The following ZNF511 variants were observed in gnomAD, a reference collection of about 807,000 sequenced individuals.
ZNF511 encodes zinc finger protein 511.
Under a neutral mutation model 24.8 loss-of-function variants are expected in ZNF511, and 26 were observed. The observed-to-expected ratio is 1.05, with a 90% confidence interval of 0.77 to 1.46. The LOEUF is 1.46. ZNF511 is among the 40% of genes most tolerant of loss of function. The pLI is 0.00. For synonymous variants in ZNF511, 144 were observed against 139.6 expected (o/e 1.03, Z -0.22); for missense variants, 358 against 345.0 (o/e 1.04, Z -0.30).
Position 133,311,837 on chromosome 10 carries a change from CAT to C in ZNF511, c.678_679del (p.His226GlnfsTer17). ...GGCAGGTGAGAGGCGGATCTACAGA[CAT>C]AGGTCAGTGTCTGAGCTCTTTCTGA... ...APAGERRIYR[H>X]RIPSTICFGQ... On this transcript the variant is annotated frameshift_variant and splice_region_variant, in exon 5 of 6. Coordinates refer to ENST00000361518, the MANE Select transcript of ZNF511 (RefSeq NM_145806.4). LOFTEE classifies it high-confidence loss of function. The C allele has an allele frequency of 6.2e-7, 1 of 1,613,388 alleles. No individual in the cohort carries two copies. Among genetic ancestry groups the C allele is most frequent in the South Asian group, 1.1e-5 (1 of 91,088 alleles).
Position 133,312,221 on chromosome 10 carries a change from C to T in ZNF511, c.680+380C>T, listed in dbSNP as rs1848007742. The T allele has an allele frequency of 4.3e-6, 6 of 1,384,562 alleles. No individual in the cohort carries two copies. In the Admixed American group the frequency reaches 9.8e-5, roughly 23 times the overall value. The allele number at this position is 1,384,562 out of a possible 1,614,324, so 85.8% of individuals were successfully genotyped here. On this transcript the variant is annotated intron_variant, in intron 5 of 5. Coordinates refer to ENST00000361518, the MANE Select transcript of ZNF511 (RefSeq NM_145806.4). ...GTGCCGTCTGCGTTTCTAGCGTCAC[C>T]TGTGCCGTCTGCCTTCCTAGCATGA...
At chr10:133,312,631 G>A in intron 5 of ZNF511, 157 bp from the exon 6 acceptor site, 5 of 1,520,306 alleles carry the variant, frequency 3.3e-6, no homozygotes, top group Non-Finnish European at 4.4e-6. Context: ...GTCTCAGGCT[G>A]TGGAAAGGGA....
rs368516549 is a variant in ZNF511, at chr10:133,309,846, C to G, written c.298C>G (p.His100Asp). Residue 100 changes from histidine to aspartate, a missense_variant, in exon 3 of 6, where the codon CAC becomes GAC. Coordinates refer to ENST00000361518, the MANE Select transcript of ZNF511 (RefSeq NM_145806.4). ...CGATGCCCTGGACGACTACGAGCAC[C>G]ACTACCACACGCTGCACGGAAATGT... The part of the protein sequence containing the change: ...VFDALDDYEH[H>D]YHTLHGNVCS... 13 of 1,613,658 alleles carry G rather than the reference C, an allele frequency of 8.1e-6. No homozygotes were observed. The highest frequency in any genetic ancestry group is 1.1e-5 in the Non-Finnish European group (13 of 1,180,026).
chr10:133,312,925 GC>G lies in ZNF511; in HGVS notation c.*61del. The G allele has an allele frequency of 6.2e-7, 1 of 1,611,512 alleles. No homozygotes were observed. The highest frequency in any genetic ancestry group is 8.5e-7 in the Non-Finnish European group (1 of 1,179,074). On this transcript the variant is annotated 3_prime_UTR_variant, in exon 6 of 6. Transcript: ENST00000361518. ...CTGCTGGGCGTGGCATCCGCCTTGG[GC>G]CTTTCTCCGACCTTCTGGTGTGGCC... is the stretch of plus-strand genomic sequence containing the variant.
intron 5 of ZNF511, chr10:133,312,173 C>A: frequency 1.4e-6 from 2 of 1,416,626 alleles, no homozygotes; most frequent in South Asian, 3.1e-5. Flanking sequence ...TCACCTGTGC[C>A]GTCTGCGTTT....
intron 2 of ZNF511, 122 bp from the exon 3 acceptor site, chr10:133,309,654 G>A: frequency 3.8e-6 from 5 of 1,320,084 alleles, no homozygotes; most frequent in East Asian, 2.3e-5. Context: ...ATAAAAAGAG[G>A]GTTTGGGATT....
intron 1 of ZNF511, 127 bp downstream of exon 1, chr10:133,309,223 G>A (rs1847924354): frequency 2.0e-6 from 2 of 983,890 alleles, no homozygotes; most frequent in South Asian, 2.0e-5. Context: ...TGGGACAGGC[G>A]GGACCTGAGG....
At chr10:133,310,011 C>A in intron 3 of ZNF511, 34 bp downstream of exon 3, 2 of 1,611,234 alleles carry the variant, frequency 1.2e-6, no homozygotes, top group East Asian at 4.5e-5. Context: ...CGAGGCCACC[C>A]CCCATTGGTG....
Position 133,313,153 on chromosome 10 carries a change from T to G in ZNF511, c.*287T>G. On this transcript the variant is annotated 3_prime_UTR_variant, in exon 6 of 6. Transcript: ENST00000361518. ...TTTTTAAACACATGAAATAAGTATTTTTCACTGATGGTCTTGAGTCTTCAT... is the reference window on the plus strand; with the variant it reads ...TTTTTAAACACATGAAATAAGTATTGTTCACTGATGGTCTTGAGTCTTCAT... 1 of 554,202 alleles carries G rather than the reference T, an allele frequency of 1.8e-6. No homozygotes were observed. Among genetic ancestry groups the G allele is most frequent in the Non-Finnish European group, 2.9e-6 (1 of 348,954 alleles). The allele number at this position is 554,202 out of a possible 1,614,324, so 34.3% of individuals were successfully genotyped here. A position where few individuals can be genotyped will look rare whatever the true frequency, so the allele number is the denominator to read the frequency against.
At chr10:133,310,534 G>T (rs776188472) in intron 4 of ZNF511, 1 of 540,496 alleles carries the variant, frequency 1.9e-6, no homozygotes, top group African/African-American at 1.9e-5. Flanking sequence ...GGCAGCAGAG[G>T]GGGTGTGGGA....
chr10:133,310,391 G>A (rs1847964275), intron 4 of ZNF511, 103 bp downstream of exon 4: 4 of 1,443,126 alleles, frequency 2.8e-6, no homozygotes, highest in Middle Eastern at 1.8e-4. Flanking sequence ...GCACTTGTGT[G>A]TCACCTAATG....
In ZNF511 at chr10:133,312,775, T is replaced by A. The variant is rs754089158; in HGVS notation, c.681-13T>A. 2 of 1,614,182 alleles carry A rather than the reference T, an allele frequency of 1.2e-6. No individual in the cohort carries two copies. Among genetic ancestry groups the A allele is most frequent in the Non-Finnish European group, 1.7e-6 (2 of 1,180,012 alleles). ...CAAATACAGCATCTAATAGAAACTTTCTTCCATCCCAGAATACCCTCTACC... is the reference window on the plus strand; with the variant it reads ...CAAATACAGCATCTAATAGAAACTTACTTCCATCCCAGAATACCCTCTACC... On this transcript the variant is annotated splice_polypyrimidine_tract_variant and intron_variant, in intron 5 of 5. Transcript: ENST00000361518.
chr10:133,310,373 CTTA>C, intron 4 of ZNF511, 85 bp downstream of exon 4: 1 of 1,550,354 alleles, frequency 6.5e-7, no homozygotes, highest in Non-Finnish European at 8.8e-7. Flanking sequence ...GACGGTCAGA[CTTA>C]TTAAGCACTT....
Position 133,309,463 on chromosome 10 carries a change from G to T in ZNF511, c.227G>T (p.Arg76Met). ...GTGGCCGACGTGCCTGAGAAGCCCA[G>T]GTAAGCGAATGGGCAGTGCCTAGCC... ...MQVADVPEKP[R>M]VPAFACQVAG... Residue 76 changes from arginine (R) to methionine (M), a missense_variant and splice_region_variant, in exon 2 of 6, where the codon AGG (arginine) becomes ATG (methionine). By Grantham distance (91) the Arg-to-Met change is moderately conservative. Transcript: ENST00000361518. The T allele has an allele frequency of 6.2e-7, 1 of 1,612,080 alleles. No individual in the cohort carries two copies.
chr10:133,311,146 A>C (rs1415517901), intron 4 of ZNF511, among the ~76,000 whole-genome samples: 1 of 152,114 alleles, frequency 6.6e-6, no homozygotes, highest in Non-Finnish European at 1.5e-5. Context: ...TTTTTAACTG[A>C]TGAGGTGAAC....
chr10:133,313,107 A>C lies in ZNF511; in HGVS notation c.*241A>C. ...ATGTGGACGGCCTGTCTCCTCCTGC[A>C]GGGCCCACCCTAAGAATGTATTTTT... is the stretch of plus-strand genomic sequence containing the variant. On this transcript the variant is annotated 3_prime_UTR_variant, in exon 6 of 6. Transcript: ENST00000361518. The C allele has an allele frequency of 1.1e-6, 1 of 920,646 alleles. No homozygotes were observed. Among genetic ancestry groups the C allele is most frequent in the Non-Finnish European group, 1.5e-6 (1 of 649,648 alleles). 57.0% of individuals were successfully genotyped at this position (920,646 alleles called of 1,614,324 possible).
rs544237984 is a variant in ZNF511, at chr10:133,312,972, G to A, written c.*106G>A. On this transcript the variant is annotated 3_prime_UTR_variant, in exon 6 of 6. Coordinates refer to ENST00000361518, the MANE Select transcript of ZNF511 (RefSeq NM_145806.4). ...TGGCCGCCCTGGGGGCCAGGCCCTC[G>A]CCATCCTCCCCATCCTTGTTCCTCA... The A allele has an allele frequency of 2.9e-4, 451 of 1,576,890 alleles. 6 individuals are homozygous for A. In the South Asian group the frequency reaches 4.3e-3, roughly 15 times the overall value.
intron 2 of ZNF511, 24 bp downstream of exon 2, chr10:133,309,487 C>A: frequency 6.2e-7 from 1 of 1,607,062 alleles, no homozygotes; most frequent in Non-Finnish European, 8.5e-7. Context: ...CAGTGCCTAG[C>A]CAGTGCTACT....
Position 133,312,901 on chromosome 10 carries a change from T to C in ZNF511, c.*35T>C. Reference sequence around the variant, plus strand: ...AAAAGGAGTGGGGGGCAGTCACCACTGCTGGGCGTGGCATCCGCCTTGGGC... The same window carrying C: ...AAAAGGAGTGGGGGGCAGTCACCACCGCTGGGCGTGGCATCCGCCTTGGGC... On this transcript the variant is annotated 3_prime_UTR_variant, in exon 6 of 6. Coordinates refer to ENST00000361518, the MANE Select transcript of ZNF511 (RefSeq NM_145806.4). The C allele has an allele frequency of 6.2e-7, 1 of 1,613,182 alleles. No homozygotes were observed. Among genetic ancestry groups the C allele is most frequent in the Non-Finnish European group, 8.5e-7 (1 of 1,179,720 alleles).
Sources: allele counts gnomAD v4.1 joint callset (sites outside exome capture counted in the v4.1 genomes callset), GRCh38; gene constraint gnomAD v4.1.1; transcripts MANE v1.5; gene names NCBI Gene and HGNC (gene_info 2026-07-23, HGNC 2026-07-21).